Variants in DLGAP1 observed in about 807,000 individuals in gnomAD.
DLGAP1 encodes the protein DLG associated protein 1.
In DLGAP1, 11 loss-of-function variants were observed where a neutral mutation model predicts 90.8. The observed-to-expected ratio is 0.12, with a 90% CI of 0.08 to 0.20. The LOEUF (loss-of-function observed/expected upper bound fraction) is 0.20. DLGAP1 is among the 10% of genes least tolerant of loss of function. The pLI is 1.00. For synonymous variants in DLGAP1, 558 were observed against 540.7 expected (o/e 1.03, Z -0.44); for missense variants, 1,050 against 1,333.8 (o/e 0.79, Z 3.31).
In DLGAP1 at chr18:4,059,493, C is replaced by T. The variant is rs568513879; in HGVS notation, c.-158-54292G>A. The stretch of plus-strand genomic sequence containing the variant: ...TTGGGAGGCCAAGACAGGTGGATCA[C>T]CTGAGGTCAGGAGTTTGAGGCCAAC... On this transcript the variant is annotated intron_variant, in intron 2 of 12. Coordinates refer to ENST00000315677, the MANE Select transcript of DLGAP1 (RefSeq NM_004746.4). Among the ~76,000 whole-genome samples the T allele has an allele frequency of 3.9e-5, 6 of 152,298 alleles. No homozygotes were observed. In the South Asian group the frequency reaches 1.2e-3, roughly 32 times the overall value.
At chr18:4,345,759 C>A (rs1281880840) in intron 1 of DLGAP1, among the ~76,000 whole-genome samples, 2 of 152,214 alleles carry the variant, frequency 1.3e-5, no homozygotes, top group Non-Finnish European at 2.9e-5. Context: ...TGCTAGCCTA[C>A]TTTTTCCCTT....
chr18:4,198,039 G>A (rs1333055849), intron 1 of DLGAP1, among the ~76,000 whole-genome samples: 1 of 151,958 alleles, frequency 6.6e-6, no homozygotes, highest in Middle Eastern at 3.2e-3. Context: ...GGCTAACCCA[G>A]TGAAACCCCG....
chr18:3,921,633 T>TGTCA (rs2072271879), intron 3 of DLGAP1, among the ~76,000 whole-genome samples: 1 of 152,150 alleles, frequency 6.6e-6, no homozygotes, highest in African/African-American at 2.4e-5. Flanking sequence ...CATGTGTAAA[T>TGTCA]GTCAGAATAA....
chr18:4,061,819 G>T, intron 2 of DLGAP1, among the ~76,000 whole-genome samples: 1 of 151,372 alleles, frequency 6.6e-6, no homozygotes, highest in African/African-American at 2.4e-5. Flanking sequence ...CTGTGTCTTT[G>T]ACTGTGGCTT....
At chr18:4,162,679 G>C (rs374899764) in intron 1 of DLGAP1, among the ~76,000 whole-genome samples, 2 of 152,094 alleles carry the variant, frequency 1.3e-5, no homozygotes, top group Non-Finnish European at 2.9e-5. Flanking sequence ...TTGCCTCTAA[G>C]TCAACATATA....
chr18:4,354,758 T>A (rs1007119955), intron 1 of DLGAP1, among the ~76,000 whole-genome samples: 1 of 151,756 alleles, frequency 6.6e-6, no homozygotes, highest in African/African-American at 2.4e-5. Flanking sequence ...TACCCATCCT[T>A]GTATATACAT....
chr18:4,173,849 C>A (rs2144605876), intron 1 of DLGAP1, among the ~76,000 whole-genome samples: 1 of 152,298 alleles, frequency 6.6e-6, no homozygotes, highest in Non-Finnish European at 1.5e-5. Flanking sequence ...ATATATGGTC[C>A]TTTTCCTCCT....
chr18:4,068,055 T>C (rs1159961443), intron 2 of DLGAP1, among the ~76,000 whole-genome samples: 5 of 152,068 alleles, frequency 3.3e-5, no homozygotes, highest in Non-Finnish European at 7.4e-5. Flanking sequence ...TACACTTATA[T>C]ATATAAAATG....
chr18:4,208,504 T>C (rs891069487), intron 1 of DLGAP1, among the ~76,000 whole-genome samples: 2 of 152,226 alleles, frequency 1.3e-5, no homozygotes, highest in African/African-American at 4.8e-5. Context: ...GGAACTCATT[T>C]TGATCTATTT....
chr18:3,760,322 G>A (rs982551346), intron 5 of DLGAP1, among the ~76,000 whole-genome samples: 1 of 152,190 alleles, frequency 6.6e-6, no homozygotes, highest in African/African-American at 2.4e-5. Context: ...GGAAGCAGTT[G>A]AGAGGTCAGA....
rs2049862408 is a variant in DLGAP1, at chr18:3,500,288, A to G, written c.2725-894T>C. ...TTGGCATTAAAAAAAATGCAGCAGGAAAGAATGGCGTCTAGACCACAAAGG... is the reference window on the plus strand; with the variant it reads ...TTGGCATTAAAAAAAATGCAGCAGGGAAGAATGGCGTCTAGACCACAAAGG... On this transcript the variant is annotated intron_variant, in intron 12 of 12. Coordinates refer to ENST00000315677, the MANE Select transcript of DLGAP1 (RefSeq NM_004746.4). Among the ~76,000 whole-genome samples the G allele has an allele frequency of 2.6e-5, 4 of 152,210 alleles. No individual in the cohort carries two copies. In the South Asian group the frequency reaches 8.3e-4, roughly 31 times the overall value.
At chr18:3,968,845 T>C (rs1342659396) in intron 3 of DLGAP1, among the ~76,000 whole-genome samples, 4 of 152,164 alleles carry the variant, frequency 2.6e-5, no homozygotes, top group Non-Finnish European at 5.9e-5. Context: ...CCCAGCTATG[T>C]GGAACTAATA....
At chr18:3,917,782 T>C (rs1039319594) in intron 3 of DLGAP1, among the ~76,000 whole-genome samples, 1 of 152,182 alleles carries the variant, frequency 6.6e-6, no homozygotes, top group African/African-American at 2.4e-5. Context: ...TAATGATCAT[T>C]TTAAATTTGC....
chr18:3,901,766 C>CA (rs1310250144), intron 3 of DLGAP1, among the ~76,000 whole-genome samples: 1 of 152,104 alleles, frequency 6.6e-6, no homozygotes, highest in Non-Finnish European at 1.5e-5. Context: ...TAGTTCTGAG[C>CA]AATGAGAGGG....
chr18:4,343,090 G>A lies in DLGAP1; in HGVS notation c.-267+111916C>T, dbSNP rs923222534. 3.3e-5 allele frequency among the ~76,000 whole-genome samples: 5 copies of A among 151,998 alleles called. No homozygotes were observed. The South Asian group carries it at 6.2e-4, about 19-fold the overall frequency. On this transcript the variant is annotated intron_variant, in intron 1 of 12. Coordinates refer to ENST00000315677, the MANE Select transcript of DLGAP1 (RefSeq NM_004746.4). ...TGGGAGGCCGAGGCAGGCGGATCAC[G>A]AGGTCAGGAGGTCGAGACCATCCTG...
intron 3 of DLGAP1, among the ~76,000 whole-genome samples, chr18:3,945,502 T>C (rs1370570572): frequency 1.3e-5 from 2 of 152,174 alleles, no homozygotes; most frequent in East Asian, 3.8e-4. Context: ...TTCTAATAGT[T>C]ATGTGGAGAT....
At chr18:3,874,962 A>T (rs148439012) in intron 4 of DLGAP1, among the ~76,000 whole-genome samples, 4 of 152,208 alleles carry the variant, frequency 2.6e-5, no homozygotes, top group Non-Finnish European at 5.9e-5. Flanking sequence ...CTAAATACTT[A>T]TAGACTTCTC....
intron 5 of DLGAP1, among the ~76,000 whole-genome samples, chr18:3,759,605 G>A (rs572129594): frequency 3.5e-4 from 54 of 152,144 alleles, no homozygotes; most frequent in Admixed American, 6.6e-4. Context: ...AATGAATGCC[G>A]ACTATGCATG....
intron 7 of DLGAP1, among the ~76,000 whole-genome samples, chr18:3,659,059 T>C (rs11875278): frequency 0.095 from 14,441 of 152,180 alleles, 1,257 homozygotes; most frequent in African/African-American, 0.23. Context: ...ACTTCTCTTA[T>C]ATTTTTAAAC....
Sources: allele counts gnomAD v4.1 joint callset (sites outside exome capture counted in the v4.1 genomes callset), GRCh38; gene constraint gnomAD v4.1.1; transcripts MANE v1.5; gene names NCBI Gene and HGNC (gene_info 2026-07-23, HGNC 2026-07-21).